The following SVIL variants were observed in gnomAD, a reference collection of about 807,000 sequenced individuals.
The protein encoded by SVIL is archvillin.
In SVIL, 101 loss-of-function variants were observed where a neutral mutation model predicts 240.4. The ratio of observed to expected loss-of-function variants is 0.42; its 90% CI spans 0.36 to 0.50. SVIL has a LOEUF of 0.50. SVIL is among the 20% of genes least tolerant of loss of function. The probability of loss-of-function intolerance (pLI) is 0.01; values close to 1 mark genes in which losing one functional copy is unlikely to be tolerated. For synonymous variants in SVIL, 999 were observed against 1,100.0 expected (o/e 0.91, Z 1.82); for missense variants, 2,512 against 2,818.7 (o/e 0.89, Z 2.46).
chr10:29,485,360 A>T (rs948811430), intron 26 of SVIL, among the ~76,000 whole-genome samples: 16 of 152,298 alleles, frequency 1.1e-4, no homozygotes, highest in South Asian at 2.1e-4. Flanking sequence ...ACATGAATGT[A>T]ATGCTATTTC....
chr10:29,539,670 T>C (rs536180102), intron 6 of SVIL, among the ~76,000 whole-genome samples: 13 of 152,294 alleles, frequency 8.5e-5, no homozygotes, highest in Middle Eastern at 6.8e-3. Context: ...GACACTCCCC[T>C]CTTCTGTCTC....
chr10:29,673,038 C>T (rs535259779), intron 2 of SVIL, among the ~76,000 whole-genome samples: 5 of 151,970 alleles, frequency 3.3e-5, no homozygotes, highest in Non-Finnish European at 5.9e-5. Context: ...CTCAGCCTCC[C>T]GAGTAGCTGG....
intron 6 of SVIL, among the ~76,000 whole-genome samples, chr10:29,548,379 C>T (rs895562573): frequency 6.6e-6 from 1 of 152,190 alleles, no homozygotes; most frequent in Non-Finnish European, 1.5e-5. Context: ...GAGAAATACA[C>T]TTAAGATCCA....
chr10:29,508,539 A>G (rs888297600), intron 17 of SVIL: 2 of 486,994 alleles, frequency 4.1e-6, no homozygotes, highest in African/African-American at 4.0e-5. Context: ...ACCTCAGGCC[A>G]ACTCATTCCG....
chr10:29,506,886 G>A (rs866972523), intron 17 of SVIL, among the ~76,000 whole-genome samples: 5 of 152,264 alleles, frequency 3.3e-5, no homozygotes, highest in Middle Eastern at 3.4e-3. Flanking sequence ...GGCAAAGCCC[G>A]GCAGGGAGGA....
chr10:29,725,095 A>T (rs1964218660), intron 1 of SVIL, among the ~76,000 whole-genome samples: 2 of 149,176 alleles, frequency 1.3e-5, no homozygotes, highest in Admixed American at 1.3e-4. Context: ...TTCAGGGTGG[A>T]ATTTCCTCAT....
At chr10:29,605,726 T>C (rs1311106977) in intron 1 of SVIL, among the ~76,000 whole-genome samples, 1 of 147,122 alleles carries the variant, frequency 6.8e-6, no homozygotes, top group Non-Finnish European at 1.5e-5. Context: ...AATATATATA[T>C]ATATTATTTA....
chr10:29,729,992 C>A (rs1323485902), intron 1 of SVIL, among the ~76,000 whole-genome samples: 1 of 151,192 alleles, frequency 6.6e-6, no homozygotes, highest in Non-Finnish European at 1.5e-5. Flanking sequence ...GAGCTCGAGA[C>A]CAGCCTGGGC....
At chr10:29,604,650 G>A (rs904057085) in intron 1 of SVIL, among the ~76,000 whole-genome samples, 1 of 151,882 alleles carries the variant, frequency 6.6e-6, no homozygotes, top group African/African-American at 2.4e-5. Context: ...CTGCAGCCTC[G>A]ATCTCCTGCT....
Position 29,555,050 on chromosome 10 carries a change from C to A in SVIL, c.8+1G>T. ...CCTAACTCCCACTATAAAGATCTTA[C>A]CTTTTCATTTCTAAGAATTCTTTCT... On this transcript the variant is annotated splice_donor_variant, in intron 4 of 37. Coordinates refer to ENST00000355867, the MANE Select transcript of SVIL (RefSeq NM_021738.3). LOFTEE classifies it high-confidence loss of function. 1 of 1,613,138 alleles carries A rather than the reference C, an allele frequency of 6.2e-7. No homozygotes were observed. The highest frequency in any genetic ancestry group is 8.5e-7 in the Non-Finnish European group (1 of 1,179,744).
intron 1 of SVIL, among the ~76,000 whole-genome samples, chr10:29,579,670 G>C (rs778412882): frequency 1.3e-5 from 2 of 152,144 alleles, no homozygotes; most frequent in Non-Finnish European, 2.9e-5. Flanking sequence ...GGCTATTTGG[G>C]GAGTCAGACG....
chr10:29,643,271 C>T (rs1958547381), intron 3 of SVIL, among the ~76,000 whole-genome samples: 1 of 152,222 alleles, frequency 6.6e-6, no homozygotes, highest in Non-Finnish European at 1.5e-5. Flanking sequence ...CTTCTGCCTT[C>T]TGAAAAGTTC....
chr10:29,556,709 T>C (rs767545326), intron 3 of SVIL, among the ~76,000 whole-genome samples: 76 of 152,270 alleles, frequency 5.0e-4, no homozygotes, highest in South Asian at 8.3e-4. Flanking sequence ...GACAGGGGTA[T>C]AATGAGAATG....
chr10:29,566,035 T>C (rs894781987), intron 2 of SVIL, among the ~76,000 whole-genome samples: 9 of 152,198 alleles, frequency 5.9e-5, no homozygotes, highest in African/African-American at 1.4e-4. Context: ...GCAAAGTTGA[T>C]GTGATGGCCA....
At chr10:29,722,222 T>TA (rs367974093) in intron 1 of SVIL, among the ~76,000 whole-genome samples, 2,623 of 117,682 alleles carry the variant, frequency 0.022, 68 homozygotes, top group African/African-American at 0.06. Flanking sequence ...GACTCTGTCT[T>TA]AAAAAAAAAA....
intron 2 of SVIL, among the ~76,000 whole-genome samples, chr10:29,673,008 G>T (rs1959905772): frequency 1.3e-5 from 2 of 152,062 alleles, no homozygotes; most frequent in South Asian, 4.2e-4. Context: ...CAGCCTCCCA[G>T]GTTAAAGCAA....
intron 17 of SVIL, among the ~76,000 whole-genome samples, chr10:29,507,569 T>G (rs1330143484): frequency 1.1e-5 from 1 of 89,860 alleles, no homozygotes; most frequent in Admixed American, 1.1e-4. Flanking sequence ...AGATACACAC[T>G]CTCATGGACA....
At chr10:29,486,651 T>C (rs1947429056) in intron 24 of SVIL, 94 bp from the exon 25 acceptor site, 10 of 1,483,416 alleles carry the variant, frequency 6.7e-6, no homozygotes, top group Non-Finnish European at 9.2e-6. Context: ...ACAGTGTGCC[T>C]GCAAGGAAAG....
intron 21 of SVIL, among the ~76,000 whole-genome samples, chr10:29,491,910 G>A (rs1260408963): frequency 6.6e-6 from 1 of 152,200 alleles, no homozygotes; most frequent in Non-Finnish European, 1.5e-5. Context: ...AAATGGCAAA[G>A]GGCTCATTTT....
Sources: allele counts gnomAD v4.1 joint callset (sites outside exome capture counted in the v4.1 genomes callset), GRCh38; gene constraint gnomAD v4.1.1; transcripts MANE v1.5; gene names NCBI Gene and HGNC (gene_info 2026-07-23, HGNC 2026-07-21).